The following FBXO31 variants were observed in gnomAD, a reference collection of about 807,000 sequenced individuals.
The protein encoded by FBXO31 is F-box only protein 31.
Under a neutral mutation model 54.4 loss-of-function variants are expected in FBXO31, and 24 were observed. That is an observed-to-expected ratio of 0.44 (90% CI 0.32 to 0.62). FBXO31 has a LOEUF of 0.62. FBXO31 is among the 20% of genes least tolerant of loss of function. FBXO31 has a pLI of 0.05. For missense variants in FBXO31, 665 were observed against 787.1 expected, an observed-to-expected ratio of 0.84 and a Z score of 1.86; for synonymous variants, 388 against 335.6, an observed-to-expected ratio of 1.16 and a Z score of -1.71.
intron 5 of FBXO31, among the ~76,000 whole-genome samples, chr16:87,339,307 G>C (rs2055875610): frequency 6.6e-6 from 1 of 152,186 alleles, no homozygotes; most frequent in African/African-American, 2.4e-5. Flanking sequence ...CAGCTCTCCT[G>C]GTGACCTACC....
chr16:87,350,799 C>T (rs528973052), intron 2 of FBXO31, among the ~76,000 whole-genome samples: 6 of 151,836 alleles, frequency 4.0e-5, no homozygotes, highest in East Asian at 1.9e-4. Context: ...GTGCTAGGAA[C>T]ACTGCCCAAT....
chr16:87,340,469 G>T (rs940833827), intron 5 of FBXO31, among the ~76,000 whole-genome samples: 1 of 152,236 alleles, frequency 6.6e-6, no homozygotes, highest in African/African-American at 2.4e-5. Context: ...TAACAGATCA[G>T]GTCTGCACAG....
At chr16:87,365,434 A>C (rs1435343482) in intron 1 of FBXO31, among the ~76,000 whole-genome samples, 1 of 152,216 alleles carries the variant, frequency 6.6e-6, no homozygotes, top group Non-Finnish European at 1.5e-5. Context: ...AAATCCATCA[A>C]GGTACGTTTT....
chr16:87,367,218 T>C (rs1028224889), intron 1 of FBXO31: 2 of 152,148 alleles, frequency 1.3e-5, no homozygotes, highest in African/African-American at 4.8e-5. Context: ...ATGGTGTTTG[T>C]GAATCCAAAG....
At chr16:87,379,665 GC>G (rs1260474095) in intron 1 of FBXO31, among the ~76,000 whole-genome samples, 1 of 152,068 alleles carries the variant, frequency 6.6e-6, no homozygotes, top group African/African-American at 2.4e-5. Context: ...TCATCCATCA[GC>G]CAGGGTCTGT....
upstream of FBXO31, among the ~76,000 whole-genome samples, chr16:87,388,481 G>A (rs916811868): frequency 8.5e-5 from 13 of 152,240 alleles, no homozygotes; most frequent in Non-Finnish European, 7.3e-5. Context: ...CGACAAAGCC[G>A]GTGGCCTCTC....
In FBXO31 at chr16:87,342,891, C is replaced by T; in HGVS notation, c.718G>A (p.Gly240Ser). The T allele has an allele frequency of 6.2e-7, 1 of 1,603,092 alleles. No individual in the cohort carries two copies. The highest frequency in any genetic ancestry group is 8.5e-7 in the Non-Finnish European group (1 of 1,175,140). ...GGTGGGCTCACCTCCTGCCTCCCGCCGGACATCCTGTGGTGGTCCGTCTGG... is the reference window on the plus strand; with the variant it reads ...GGTGGGCTCACCTCCTGCCTCCCGCTGGACATCCTGTGGTGGTCCGTCTGG... ...CNQTDHHRMSGGRQEEFRTWL... is the reference protein window; with the variant it reads ...CNQTDHHRMSSGRQEEFRTWL... Residue 240 changes from glycine to serine, a missense_variant, in exon 5 of 9, where the codon GGC becomes AGC. By Grantham distance (56) the Gly-to-Ser change is moderately conservative (BLOSUM62 0). Around this residue, in one of 4 missense-constraint regions of FBXO31, gnomAD observed 234 missense variants for 346.8 expected, o/e 0.67. Transcript: ENST00000311635.
intron 1 of FBXO31, chr16:87,362,697 C>T (rs1906190204): frequency 6.6e-6 from 1 of 152,180 alleles, no homozygotes; most frequent in South Asian, 2.1e-4. Context: ...AGTAGCTGGG[C>T]CTACAGGCAC....
At chr16:87,339,083 C>G (rs1905117041) in intron 5 of FBXO31, among the ~76,000 whole-genome samples, 1 of 152,168 alleles carries the variant, frequency 6.6e-6, no homozygotes, top group Non-Finnish European at 1.5e-5. Flanking sequence ...ACTGTGAGTC[C>G]ATGCAACCTC....
At chr16:87,390,271 G>C (rs756436833), upstream of FBXO31, among the ~76,000 whole-genome samples, 1 of 151,974 alleles carries the variant, frequency 6.6e-6, no homozygotes, top group Admixed American at 6.6e-5. Context: ...ACAGTGCAAG[G>C]CTCTGTCTCA....
chr16:87,374,137 G>C (rs948153443), intron 1 of FBXO31, among the ~76,000 whole-genome samples: 1 of 151,986 alleles, frequency 6.6e-6, no homozygotes, highest in African/African-American at 2.4e-5. Context: ...AACTACTTGA[G>C]AGGCTAAGGC....
In FBXO31 at chr16:87,358,995, G is replaced by A. The variant is rs1408847953; in HGVS notation, c.412+1300C>T. Among the ~76,000 whole-genome samples, 1 of 152,192 alleles carries A rather than the reference G, an allele frequency of 6.6e-6. No individual in the cohort carries two copies. Among genetic ancestry groups the A allele is most frequent in the African/African-American group, 2.4e-5 (1 of 41,450 alleles). On this transcript the variant is annotated intron_variant, in intron 2 of 8. Coordinates refer to ENST00000311635, the MANE Select transcript of FBXO31 (RefSeq NM_024735.5). The surrounding 1 kb of genome is among the most constrained non-coding windows in gnomAD (Gnocchi z 4.0). The stretch of plus-strand genomic sequence containing the variant: ...TGCCCAACTACACCACCCGTTTCTG[G>A]AGCTAAGGCTGATTTTCTTCCACCA...
At chr16:87,344,798 A>G (rs990232035) in intron 3 of FBXO31, among the ~76,000 whole-genome samples, 4 of 152,178 alleles carry the variant, frequency 2.6e-5, no homozygotes, top group Non-Finnish European at 4.4e-5. Flanking sequence ...GACGCCCAAC[A>G]CAACAAACGC....
upstream of FBXO31, among the ~76,000 whole-genome samples, chr16:87,390,601 C>T (rs1367462708): frequency 1.2e-4 from 18 of 151,844 alleles, no homozygotes; most frequent in Non-Finnish European, 2.4e-4. Context: ...CCACCACACC[C>T]GGCTAATTTT....
chr16:87,375,318 A>C (rs1906777839), intron 1 of FBXO31, among the ~76,000 whole-genome samples: 1 of 151,916 alleles, frequency 6.6e-6, no homozygotes, highest in Non-Finnish European at 1.5e-5. Flanking sequence ...AAAAACAAAA[A>C]CAAAAACAAA....
At chr16:87,388,472 G>A (rs1201363675), upstream of FBXO31, among the ~76,000 whole-genome samples, 3 of 152,350 alleles carry the variant, frequency 2.0e-5, no homozygotes, top group South Asian at 2.1e-4. Flanking sequence ...TGGTGCAGAC[G>A]ACAAAGCCGG....
intron 2 of FBXO31, among the ~76,000 whole-genome samples, chr16:87,356,787 C>T (rs1258969432): frequency 6.6e-6 from 1 of 152,164 alleles, no homozygotes; most frequent in Non-Finnish European, 1.5e-5. Flanking sequence ...CCCAACAGAC[C>T]ATGCTGACCC....
intron 2 of FBXO31, 81 bp downstream of exon 2, chr16:87,360,214 C>T: frequency 7.5e-7 from 1 of 1,338,760 alleles, no homozygotes; most frequent in Non-Finnish European, 1.1e-6. Context: ...GACTAAATCA[C>T]TTTGATTATT....
chr16:87,336,793 A>C lies in FBXO31; in HGVS notation c.733-529T>G, dbSNP rs548042312. On this transcript the variant is annotated intron_variant, in intron 5 of 8. Transcript: ENST00000311635. This position sits in a 1 kb window ranked among gnomAD's most constrained non-coding sequence, Gnocchi z 6.5. ...GATTTTCCTTTTTCAAAGGAAAAGC[A>C]GGTATGTTAAGGCGGTTCCCAAAAA... 9.8e-5 allele frequency among the ~76,000 whole-genome samples: 15 copies of C among 152,330 alleles called. No individual in the cohort carries two copies. The highest frequency in any genetic ancestry group is 3.6e-4 in the African/African-American group (15 of 41,570).
Sources: gnomAD v4.1 joint callset for allele counts (sites outside exome capture counted in the v4.1 genomes callset) on GRCh38, gnomAD v4.1.1 for gene constraint, gnomAD v4.1.1 regional missense constraint, Gnocchi (gnomAD v3.1) non-coding constraint, MANE v1.5 for transcripts, NCBI Gene and HGNC (gene_info 2026-07-23, HGNC 2026-07-21) for gene names.